The following COPB1 variants were observed in gnomAD, a reference collection of about 807,000 sequenced individuals.
COPB1 encodes coat protein complex I subunit beta 1.
A neutral mutation model predicts 108.7 loss-of-function variants in COPB1; 21 were observed. The ratio of observed to expected loss-of-function variants is 0.19; its 90% CI spans 0.14 to 0.28. The LOEUF (loss-of-function observed/expected upper bound fraction) is 0.28. Among genes scored for constraint, COPB1 ranks in the 10% least tolerant of loss-of-function variants. The pLI is 1.00. For missense variants in COPB1, 919 were observed against 1,141.3 expected (o/e 0.81, Z 2.81); for synonymous variants, 378 against 386.8 (o/e 0.98, Z 0.27).
chr11:14,465,825 C>T (rs1276650101), intron 17 of COPB1, among the ~76,000 whole-genome samples: 2 of 144,674 alleles, frequency 1.4e-5, no homozygotes, highest in Non-Finnish European at 3.0e-5. Context: ...TGGAAGTAAG[C>T]AGTCTGACCC....
intron 10 of COPB1, 60 bp downstream of exon 10, chr11:14,480,699 T>C: frequency 5.9e-6 from 9 of 1,514,314 alleles, no homozygotes; most frequent in Non-Finnish European, 8.1e-6. Context: ...GTCAAATAAC[T>C]ATATTTTTTA....
intron 2 of COPB1, among the ~76,000 whole-genome samples, chr11:14,496,353 C>T (rs1278247298): frequency 1.3e-5 from 2 of 151,852 alleles, no homozygotes; most frequent in African/African-American, 4.8e-5. Flanking sequence ...AGTAAAGTTC[C>T]AGGACACAAA....
In COPB1 at chr11:14,491,191, C is replaced by G. The variant is rs182852065; in HGVS notation, c.492-512G>C. ...TCCTGAGTATCTGGGACTACAGGCACGTGCCACCATGCCAGGCTAATTTTT... is the reference window on the plus strand; with the variant it reads ...TCCTGAGTATCTGGGACTACAGGCAGGTGCCACCATGCCAGGCTAATTTTT... On this transcript the variant is annotated intron_variant, in intron 4 of 21. Coordinates refer to ENST00000439561, the MANE Select transcript of COPB1 (RefSeq NM_001144061.2). 4.6e-5 allele frequency among the ~76,000 whole-genome samples: 7 copies of G among 152,140 alleles called. No homozygotes were observed. The South Asian group carries it at 6.2e-4, about 14-fold the overall frequency.
At chr11:14,490,368 A>C (rs1486310548) in intron 5 of COPB1, among the ~76,000 whole-genome samples, 197 bp downstream of exon 5, 2 of 152,250 alleles carry the variant, frequency 1.3e-5, no homozygotes, top group Non-Finnish European at 2.9e-5. Context: ...AATTGAAAAA[A>C]GAATGTATAC....
intron 14 of COPB1, among the ~76,000 whole-genome samples, chr11:14,473,579 C>T (rs1398841266): frequency 5.6e-5 from 1 of 17,828 alleles, no homozygotes; most frequent in African/African-American, 2.7e-4. Flanking sequence ...GGGTAACAGC[C>T]GGAACACACA....
Sources: allele counts gnomAD v4.1 joint callset (sites outside exome capture counted in the v4.1 genomes callset), GRCh38; gene constraint gnomAD v4.1.1; transcripts MANE v1.5; gene names NCBI Gene and HGNC (gene_info 2026-07-23, HGNC 2026-07-21).